ACOXL: variants seen among roughly 807,000 people sequenced by gnomAD.
ACOXL encodes acyl-CoA oxidase like.
Under a neutral mutation model 71.9 loss-of-function variants are expected in ACOXL, and 70 were observed. The observed-to-expected ratio is 0.97, with a 90% CI of 0.80 to 1.19. ACOXL has a LOEUF of 1.19. Among genes scored for constraint, ACOXL ranks in the 50% most tolerant of loss-of-function variants. The pLI is 0.00. For synonymous variants in ACOXL, 253 were observed against 281.6 expected, an observed-to-expected ratio of 0.90 and a Z score of 1.02; for missense variants, 703 against 736.3, an observed-to-expected ratio of 0.95 and a Z score of 0.52.
chr2:110,944,796 G>T (rs1045195177), intron 12 of ACOXL, among the ~76,000 whole-genome samples: 1 of 152,138 alleles, frequency 6.6e-6, no homozygotes, highest in Non-Finnish European at 1.5e-5. Context: ...AAATAGTGCT[G>T]CCATGAACAT....
chr2:110,849,268 A>C (rs1692302453), intron 10 of ACOXL, among the ~76,000 whole-genome samples: 1 of 152,146 alleles, frequency 6.6e-6, no homozygotes, highest in South Asian at 2.1e-4. Context: ...ACAAAGCCCT[A>C]CTGTGTCCAC....
Position 110,768,380 on chromosome 2 carries a change from C to G in ACOXL, c.-10C>G. 1 of 1,613,846 alleles carries G rather than the reference C, an allele frequency of 6.2e-7. No individual in the cohort carries two copies. Among genetic ancestry groups the G allele is most frequent in the South Asian group, 1.1e-5 (1 of 91,066 alleles). On this transcript the variant is annotated 5_prime_UTR_variant, in exon 2 of 18. Coordinates refer to ENST00000439055, the MANE Select transcript of ACOXL (RefSeq NM_001142807.4). ...CTGTTCTTCACAGGTATGATTTAAG[C>G]TTGGATGAAATGAGAGCTTTGACAG...
intron 16 of ACOXL, among the ~76,000 whole-genome samples, chr2:111,050,501 A>G (rs1821969): frequency 0.89 from 134,982 of 152,256 alleles, 60,092 homozygotes; most frequent in African/African-American, 0.97. Context: ...CTGGCTTTCC[A>G]TGACCTTGAA....
intron 12 of ACOXL, among the ~76,000 whole-genome samples, chr2:110,936,666 T>G (rs1247658397): frequency 6.6e-6 from 1 of 152,104 alleles, no homozygotes; most frequent in Admixed American, 6.5e-5. Context: ...GAGAAACACT[T>G]AAATGTTTAC....
chr2:110,834,370 G>A (rs936493870), intron 9 of ACOXL, among the ~76,000 whole-genome samples: 72 of 152,196 alleles, frequency 4.7e-4, no homozygotes, highest in African/African-American at 1.6e-3. Context: ...CATATTATCC[G>A]TTAGCCAACC....
chr2:110,989,433 C>T (rs2063078074), intron 13 of ACOXL, among the ~76,000 whole-genome samples: 2 of 152,200 alleles, frequency 1.3e-5, no homozygotes, highest in South Asian at 4.1e-4. Flanking sequence ...AAATGTAATT[C>T]AGAATTGGGT....
chr2:111,116,137 C>T (rs186020442), intron 17 of ACOXL, among the ~76,000 whole-genome samples: 326 of 152,258 alleles, frequency 2.1e-3, no homozygotes, highest in Non-Finnish European at 3.6e-3. Context: ...GGGCTGTGTA[C>T]GCCACCTCAT....
intron 16 of ACOXL, among the ~76,000 whole-genome samples, chr2:111,055,320 T>C (rs967263181): frequency 5.9e-5 from 9 of 152,328 alleles, no homozygotes; most frequent in South Asian, 2.1e-4. Flanking sequence ...GCCTGTCAAG[T>C]GGGTGAGGTG....
intron 10 of ACOXL, among the ~76,000 whole-genome samples, chr2:110,846,756 C>A (rs561306901): frequency 3.4e-4 from 52 of 151,378 alleles, no homozygotes; most frequent in African/African-American, 1.1e-3. Context: ...TATTCCAGAT[C>A]TGTCTGTGGT....
In ACOXL at chr2:111,093,044, A is replaced by T; in HGVS notation, c.1542+78A>T. The stretch of plus-strand genomic sequence containing the variant: ...TGCTTTCTTAGAAAACAGTCCTGCC[A>T]ATCTTCTATCAGTTTCCACTCATGG... On this transcript the variant is annotated intron_variant, in intron 17 of 17. Transcript: ENST00000439055. 4 of 1,177,640 alleles carry T rather than the reference A, an allele frequency of 3.4e-6. No homozygotes were observed. In the South Asian group the frequency reaches 5.4e-5, roughly 16 times the overall value. 72.9% of individuals were successfully genotyped at this position (1,177,640 alleles called of 1,614,324 possible). A position where few individuals can be genotyped will look rare whatever the true frequency, so the allele number is the denominator to read the frequency against.
At chr2:110,893,101 A>G (rs1387514189) in intron 10 of ACOXL, among the ~76,000 whole-genome samples, 1 of 152,260 alleles carries the variant, frequency 6.6e-6, no homozygotes, top group East Asian at 1.9e-4. Context: ...TCTAATAGGA[A>G]AAAATCCCAA....
intron 1 of ACOXL, among the ~76,000 whole-genome samples, chr2:110,735,426 C>T (rs1023432764): frequency 6.6e-5 from 10 of 152,136 alleles, no homozygotes; most frequent in Non-Finnish European, 1.2e-4. Flanking sequence ...GTGGTGAGTG[C>T]TGTGTGTACA....
intron 14 of ACOXL, among the ~76,000 whole-genome samples, chr2:111,006,398 G>A (rs2063874856): frequency 6.6e-6 from 1 of 152,230 alleles, no homozygotes. Flanking sequence ...AGGGATAGCT[G>A]ACGATCTGGG....
intron 9 of ACOXL, among the ~76,000 whole-genome samples, chr2:110,838,838 G>A (rs1690778089): frequency 6.6e-6 from 1 of 152,216 alleles, no homozygotes; most frequent in Non-Finnish European, 1.5e-5. Flanking sequence ...ATAGCACGGA[G>A]GCTTTCCCCC....
chr2:110,955,933 AT>A (rs67285328), intron 12 of ACOXL, among the ~76,000 whole-genome samples: 9,812 of 101,642 alleles, frequency 0.097, 298 homozygotes, highest in African/African-American at 0.17. Context: ...CTTGCCACAG[AT>A]TTTTTTTTTT....
At chr2:111,087,410 G>C (rs1351818452) in intron 16 of ACOXL, among the ~76,000 whole-genome samples, 2 of 152,164 alleles carry the variant, frequency 1.3e-5, no homozygotes, top group African/African-American at 4.8e-5. Flanking sequence ...CTGTATTACA[G>C]ATACAGTAAC....
intron 14 of ACOXL, among the ~76,000 whole-genome samples, chr2:111,014,310 C>T (rs760259378): frequency 6.6e-6 from 1 of 152,140 alleles, no homozygotes; most frequent in Non-Finnish European, 1.5e-5. Context: ...AACTCAATAT[C>T]TAAAACGAAT....
chr2:111,009,509 G>A (rs373628603), intron 14 of ACOXL, among the ~76,000 whole-genome samples: 39 of 111,882 alleles, frequency 3.5e-4, no homozygotes, highest in African/African-American at 1.4e-3. Flanking sequence ...GCAAGACTCC[G>A]TCTCAAAAAA....
chr2:110,919,814 T>A (rs1268921749), intron 11 of ACOXL, among the ~76,000 whole-genome samples: 2 of 152,220 alleles, frequency 1.3e-5, no homozygotes, highest in African/African-American at 4.8e-5. Flanking sequence ...GTAAAATATG[T>A]AGTCTTTTGG....
Sources: allele counts gnomAD v4.1 joint callset (sites outside exome capture counted in the v4.1 genomes callset), GRCh38; gene constraint gnomAD v4.1.1; transcripts MANE v1.5; gene names NCBI Gene and HGNC (gene_info 2026-07-23, HGNC 2026-07-21).